RYR2: variants seen among roughly 807,000 people sequenced by gnomAD.
RYR2 encodes the protein cardiac muscle ryanodine receptor-calcium release channel.
A neutral mutation model predicts 601.1 loss-of-function variants in RYR2; 227 were observed. The ratio of observed to expected loss-of-function variants is 0.38; its 90% CI spans 0.34 to 0.42. The LOEUF (loss-of-function observed/expected upper bound fraction) is 0.42. RYR2 is among the 10% of genes least tolerant of loss of function. RYR2 has a pLI of 1.00. For missense variants in RYR2, 4,646 were observed against 6,156.5 expected, an observed-to-expected ratio of 0.75 and a Z score of 8.21; for synonymous variants, 2,223 against 2,175.1, an observed-to-expected ratio of 1.02 and a Z score of -0.61.
chr1:237,580,443 C>T (rs569527981), intron 29 of RYR2, among the ~76,000 whole-genome samples: 18 of 148,374 alleles, frequency 1.2e-4, no homozygotes, highest in Middle Eastern at 3.4e-3. Context: ...AGGCGTGAGC[C>T]ACTGCGCCAG....
At position 237,640,981 on chromosome 1, in the gene RYR2, A is replaced by T. The variant is rs777117043; in HGVS notation, c.7200A>T (p.Gly2400=). 3 of 1,612,698 alleles carry T rather than the reference A, an allele frequency of 1.9e-6. No homozygotes were observed. Among genetic ancestry groups the T allele is most frequent in the Non-Finnish European group, 2.5e-6 (3 of 1,179,312 alleles). Residue 2400 remains glycine (G), a synonymous_variant, in exon 47 of 105, where the codon GGA becomes GGT. Coordinates refer to ENST00000366574, the MANE Select transcript of RYR2 (RefSeq NM_001035.3). The part of the protein sequence containing the change: ...TFYSALIDLL[G]RCAPEMHLIH... ...ATTCAGCTTTGATTGACCTCTTGGG[A>T]CGCTGTGCTCCTGAGATGCATGTGA...
chr1:237,595,466 T>C, intron 33 of RYR2, 32 bp from the exon 34 acceptor site: 1 of 1,600,368 alleles, frequency 6.2e-7, no homozygotes. Context: ...TCTGTGGTTG[T>C]ACAAAGATAA....
chr1:237,584,701 C>A (rs1305401456), intron 29 of RYR2, among the ~76,000 whole-genome samples: 3 of 118,750 alleles, frequency 2.5e-5, no homozygotes, highest in Non-Finnish European at 4.9e-5. Flanking sequence ...TGCTCTGTCA[C>A]CTAGTCTAGA....
chr1:237,307,543 T>C (rs1693999151), intron 2 of RYR2, among the ~76,000 whole-genome samples: 1 of 152,278 alleles, frequency 6.6e-6, no homozygotes, highest in Non-Finnish European at 1.5e-5. Context: ...TACTTCTACA[T>C]ATATTCATTG....
chr1:237,806,948 A>C (rs1051117671), intron 99 of RYR2, among the ~76,000 whole-genome samples: 14 of 152,300 alleles, frequency 9.2e-5, no homozygotes, highest in Admixed American at 3.9e-4. Context: ...CTATTTTTCA[A>C]GTGTCCACTG....
At chr1:237,325,418 G>A (rs1696054686) in intron 2 of RYR2, among the ~76,000 whole-genome samples, 1 of 152,240 alleles carries the variant, frequency 6.6e-6, no homozygotes. Context: ...AAATAGGCCA[G>A]GCGTGGTGGC....
At chr1:237,731,401 GA>G (rs1392696826) in intron 77 of RYR2, among the ~76,000 whole-genome samples, 3 of 151,962 alleles carry the variant, frequency 2.0e-5, no homozygotes, top group Non-Finnish European at 2.9e-5. Flanking sequence ...CTGAAAATAA[GA>G]AAAAAAGTAT....
Position 237,456,615 on chromosome 1 carries a change from G to T in RYR2, c.1492G>T (p.Val498Leu). 1 of 1,545,690 alleles carries T rather than the reference G, an allele frequency of 6.5e-7. No individual in the cohort carries two copies. The part of the protein sequence containing the change: ...LFQEEGMINL[V>L]LECIDRLHVY... ...AACGTTCCAGGGAATGATCAACCTC[G>T]TGCTTGAGTGCATAGACCGTTTGCA... Residue 498 changes from valine to leucine, a missense_variant, in exon 16 of 105, where the codon GTG (valine) becomes TTG (leucine). Val to Leu is a conservative substitution (Grantham distance 32). Transcript: ENST00000366574.
intron 1 of RYR2, among the ~76,000 whole-genome samples, chr1:237,065,296 T>C (rs1229367621): frequency 2.2e-4 from 3 of 13,444 alleles, no homozygotes; most frequent in South Asian, 3.5e-3. Flanking sequence ...TTTTTTTTTT[T>C]CGAGAGGGAG....
At chr1:237,259,727 T>C (rs1688340449) in intron 1 of RYR2, among the ~76,000 whole-genome samples, 1 of 152,158 alleles carries the variant, frequency 6.6e-6, no homozygotes, top group South Asian at 2.1e-4. Flanking sequence ...GAATTCGTTC[T>C]CTTCTTTTGC....
At chr1:237,787,552 C>G (rs1464441982) in intron 91 of RYR2, among the ~76,000 whole-genome samples, 1 of 149,170 alleles carries the variant, frequency 6.7e-6, no homozygotes, top group Admixed American at 6.7e-5. Flanking sequence ...AGATGGCGCC[C>G]CTGCATTCCA....
chr1:237,769,329 C>G (rs1032856303), intron 84 of RYR2, among the ~76,000 whole-genome samples: 1 of 152,130 alleles, frequency 6.6e-6, no homozygotes, highest in Non-Finnish European at 1.5e-5. Flanking sequence ...TTCTCCCTTT[C>G]GTTTCCTATC....
At chr1:237,445,268 G>C in intron 13 of RYR2, 133 bp from the exon 14 acceptor site, 1 of 1,032,738 alleles carries the variant, frequency 9.7e-7, no homozygotes, top group Non-Finnish European at 1.4e-6. Flanking sequence ...GAACGTAACA[G>C]CTTCACAGTC....
Position 237,547,240 on chromosome 1 carries a change from A to G in RYR2, c.2907-1191A>G, listed in dbSNP as rs1669923797. ...AGGCTGGTCTCGAACTCCTGGCCTC[A>G]TGTGATCCACCCACGTTGGCCTCCC... On this transcript the variant is annotated intron_variant, in intron 25 of 104. Coordinates refer to ENST00000366574, the MANE Select transcript of RYR2 (RefSeq NM_001035.3). Among the ~76,000 whole-genome samples, 2 of 151,900 alleles carry G rather than the reference A, an allele frequency of 1.3e-5. 1 individual carries two copies. The highest frequency in any genetic ancestry group is 4.2e-4 in the South Asian group (2 of 4,814).
chr1:237,055,331 A>G (rs1661854283), intron 1 of RYR2, among the ~76,000 whole-genome samples: 1 of 152,072 alleles, frequency 6.6e-6, no homozygotes, highest in South Asian at 2.1e-4. Context: ...TTCTCAAGGG[A>G]GAAAAATGGG....
At position 237,499,027 on chromosome 1, in the gene RYR2, G is replaced by A. The variant is rs537895212; in HGVS notation, c.2204-1684G>A. On this transcript the variant is annotated intron_variant, in intron 20 of 104. Transcript: ENST00000366574. Reference sequence around the variant, plus strand: ...AGTTGGAATGTGAGTTATGAAGCTCGAATTCATAGTAACAGATAACCTTCT... The same window carrying A: ...AGTTGGAATGTGAGTTATGAAGCTCAAATTCATAGTAACAGATAACCTTCT... Among the ~76,000 whole-genome samples, 28 of 152,112 alleles carry A rather than the reference G, an allele frequency of 1.8e-4. No individual in the cohort carries two copies. The South Asian group carries it at 3.3e-3, about 18-fold the overall frequency.
At chr1:237,320,917 C>G (rs192373924) in intron 2 of RYR2, among the ~76,000 whole-genome samples, 48 of 150,506 alleles carry the variant, frequency 3.2e-4, no homozygotes, top group Middle Eastern at 3.5e-3. Context: ...TCCATTCTCT[C>G]TGTGTGTGTG....
At position 237,699,039 on chromosome 1, in the gene RYR2, T is replaced by G; in HGVS notation, c.9128+14T>G. ...TTTGGATGCAAGGTAAATGGATACA[T>G]TTTTACCTAAATAAATTACTATAAT... On this transcript the variant is annotated intron_variant, in intron 64 of 104. Coordinates refer to ENST00000366574, the MANE Select transcript of RYR2 (RefSeq NM_001035.3). 1.5e-6 allele frequency: 2 copies of G among 1,313,000 alleles called. No homozygotes were observed. The highest frequency in any genetic ancestry group is 2.1e-6 in the Non-Finnish European group (2 of 934,648). The allele number at this position is 1,313,000 out of a possible 1,614,324, so 81.3% of individuals were successfully genotyped here.
chr1:237,650,795 G>A (rs1211126954), intron 50 of RYR2, among the ~76,000 whole-genome samples: 1 of 152,180 alleles, frequency 6.6e-6, no homozygotes, highest in African/African-American at 2.4e-5. Flanking sequence ...TCTGGGTTGA[G>A]AACCAGATGG....
Sources: gnomAD v4.1 joint callset for allele counts (sites outside exome capture counted in the v4.1 genomes callset) on GRCh38, gnomAD v4.1.1 for gene constraint, MANE v1.5 for transcripts, NCBI Gene and HGNC (gene_info 2026-07-23, HGNC 2026-07-21) for gene names.